Variants in LINGO1 observed in about 807,000 individuals in gnomAD.
LINGO1 encodes leucine-rich repeat and immunoglobulin-like domain-containing nogo receptor-interacting protein 1.
LINGO1 carries 11 observed loss-of-function variants against 37.3 expected under a neutral mutation model. That is an observed-to-expected ratio of 0.29 (90% CI 0.19 to 0.49). The LOEUF (loss-of-function observed/expected upper bound fraction) is 0.49, where lower values mean the gene tolerates loss of function less well. Among genes scored for constraint, LINGO1 ranks in the 20% least tolerant of loss-of-function variants. LINGO1 has a pLI of 0.99. For synonymous variants in LINGO1, 387 were observed against 403.0 expected, an observed-to-expected ratio of 0.96 and a Z score of 0.48; for missense variants, 585 against 878.2, an observed-to-expected ratio of 0.67 and a Z score of 4.22.
At chr15:77,801,411 C>T (rs751973822) in intron 1 of LINGO1, among the ~76,000 whole-genome samples, 2 of 152,134 alleles carry the variant, frequency 1.3e-5, no homozygotes, top group Non-Finnish European at 2.9e-5. Flanking sequence ...CAGCATGAGC[C>T]CATTTCTGTA....
chr15:77,799,601 C>A (rs965525653), intron 1 of LINGO1, among the ~76,000 whole-genome samples: 3 of 152,180 alleles, frequency 2.0e-5, no homozygotes, highest in Non-Finnish European at 4.4e-5. Context: ...TCAGCAGCTC[C>A]CGCTTTGTTC....
Position 77,772,964 on chromosome 15 carries a change from T to G in LINGO1, c.-257+13905A>C, listed in dbSNP as rs558607821. On this transcript the variant is annotated intron_variant, in intron 1 of 3. Coordinates refer to the LINGO1 transcript ENST00000561686. Reference sequence around the variant, plus strand: ...TCAGTCTCTCCCTCCCCTCCTACCATCCGTCAAGCTACTACCCACTCAGCC... The same window carrying G: ...TCAGTCTCTCCCTCCCCTCCTACCAGCCGTCAAGCTACTACCCACTCAGCC... Among the ~76,000 whole-genome samples, 95 of 152,240 alleles carry G rather than the reference T, an allele frequency of 6.2e-4. 1 individual carries two copies. Among genetic ancestry groups the G allele is most frequent in the African/African-American group, 2.2e-3 (91 of 41,532 alleles).
At chr15:77,631,655 G>A (rs1218980789) in intron 1 of LINGO1, among the ~76,000 whole-genome samples, 3 of 152,252 alleles carry the variant, frequency 2.0e-5, no homozygotes, top group Non-Finnish European at 4.4e-5. Flanking sequence ...GCCTTAGAAT[G>A]AAAAGTGGGG....
rs562895040 is a variant in LINGO1, at chr15:77,647,328, G to A, written c.-13+29761C>T. ...TGCCAGAGCACAGTCCAGGGGAGAG[G>A]TAGACCCAGCTCACAGGAAGATCTG... is the stretch of plus-strand genomic sequence containing the variant. On this transcript the variant is annotated intron_variant, in intron 3 of 3. Coordinates refer to the LINGO1 transcript ENST00000559893. Among the ~76,000 whole-genome samples the A allele has an allele frequency of 5.2e-4, 78 of 151,428 alleles. No homozygotes were observed. In the South Asian group the frequency reaches 0.014, roughly 28 times the overall value.
In LINGO1 at chr15:77,725,881, G is replaced by A. The variant is rs185682008; in HGVS notation, c.-195+9111C>T. On this transcript the variant is annotated intron_variant, in intron 2 of 3. Transcript: ENST00000561686. ...CTCCAGCATAGCACGCCCAGGGAGCGTACATAGAGCGGCCGCCCCACCACT... is the reference window on the plus strand; with the variant it reads ...CTCCAGCATAGCACGCCCAGGGAGCATACATAGAGCGGCCGCCCCACCACT... Among the ~76,000 whole-genome samples, 33 of 152,322 alleles carry A rather than the reference G, an allele frequency of 2.2e-4. No individual in the cohort carries two copies. In the East Asian group the frequency reaches 3.5e-3, roughly 16 times the overall value.
chr15:77,629,060 C>T (rs1301291601), intron 1 of LINGO1, among the ~76,000 whole-genome samples: 2 of 152,208 alleles, frequency 1.3e-5, no homozygotes, highest in African/African-American at 2.4e-5. Flanking sequence ...ACTATTGTTA[C>T]TCTCACTTTA....
chr15:77,704,266 C>T (rs899003979), intron 2 of LINGO1, among the ~76,000 whole-genome samples: 1 of 152,184 alleles, frequency 6.6e-6, no homozygotes, highest in Admixed American at 6.5e-5. Context: ...GCAGAGAGCT[C>T]AGAGGGAGTG....
At chr15:77,639,269 T>C (rs2074452636), upstream of LINGO1, among the ~76,000 whole-genome samples, 1 of 152,140 alleles carries the variant, frequency 6.6e-6, no homozygotes, top group Non-Finnish European at 1.5e-5. Context: ...ACATATTTGC[T>C]GTTTTAAGCT....
At chr15:77,726,173 C>T (rs897567767) in intron 2 of LINGO1, among the ~76,000 whole-genome samples, 1 of 152,188 alleles carries the variant, frequency 6.6e-6, no homozygotes, top group Non-Finnish European at 1.5e-5. Context: ...CAGTGTTGAC[C>T]CTTTGGGCTG....
upstream of LINGO1, among the ~76,000 whole-genome samples, chr15:77,633,237 G>A (rs985402476): frequency 6.6e-6 from 1 of 151,992 alleles, no homozygotes; most frequent in African/African-American, 2.4e-5. Flanking sequence ...GGAGTCCGGC[G>A]TGCGGTCCTC....
intron 1 of LINGO1, among the ~76,000 whole-genome samples, chr15:77,628,610 A>G (rs1247356507): frequency 6.6e-6 from 1 of 152,242 alleles, no homozygotes; most frequent in African/African-American, 2.4e-5. Flanking sequence ...CGGGGTGTGC[A>G]GGAGCACATG....
At chr15:77,776,797 A>C (rs2076660454) in intron 1 of LINGO1, among the ~76,000 whole-genome samples, 1 of 152,206 alleles carries the variant, frequency 6.6e-6, no homozygotes. Flanking sequence ...AAGAGCTGAC[A>C]CATTCTAAGC....
At chr15:77,633,615 G>A (rs150541513), upstream of LINGO1, among the ~76,000 whole-genome samples, 1,139 of 152,310 alleles carry the variant, frequency 7.5e-3, 23 homozygotes, top group African/African-American at 0.026. Flanking sequence ...GTCCAGCAGA[G>A]GGCGGCAGGC....
intron 2 of LINGO1, among the ~76,000 whole-genome samples, chr15:77,713,536 A>C (rs1244568604): frequency 2.0e-5 from 3 of 151,946 alleles, no homozygotes; most frequent in Admixed American, 6.6e-5. Flanking sequence ...GTGTGCTGGC[A>C]CAGGGAGTCT....
chr15:77,783,886 C>T (rs2141431443), intron 1 of LINGO1, among the ~76,000 whole-genome samples: 1 of 152,312 alleles, frequency 6.6e-6, no homozygotes, highest in Admixed American at 6.5e-5. Context: ...TACAGGAAGC[C>T]TTTCTCCGTT....
chr15:77,761,124 T>C (rs1398295562), intron 1 of LINGO1, among the ~76,000 whole-genome samples: 1 of 150,402 alleles, frequency 6.6e-6, no homozygotes, highest in African/African-American at 2.5e-5. Context: ...TTAGTAGAGA[T>C]GGGGTTTTGC....
intron 1 of LINGO1, among the ~76,000 whole-genome samples, chr15:77,621,575 G>C (rs920619913): frequency 6.6e-6 from 1 of 151,924 alleles, no homozygotes; most frequent in African/African-American, 2.4e-5. Flanking sequence ...GCCAGGCCAG[G>C]GGAGGGGCTG....
Position 77,713,249 on chromosome 15 carries a change from T to C in LINGO1, c.-195+21743A>G, listed in dbSNP as rs139699429. ...GTGTGTGTGTGTGTGTGTGTGTGTG[T>C]GTGTGTGTTGTAGAGACAGGGTTTC... On this transcript the variant is annotated intron_variant, in intron 2 of 3. Coordinates refer to the LINGO1 transcript ENST00000561686. 2.6e-3 allele frequency among the ~76,000 whole-genome samples: 350 copies of C among 136,876 alleles called. 1 individual carries two copies. The highest frequency in any genetic ancestry group is 8.8e-3 in the African/African-American group (340 of 38,514). 89.8% of individuals were successfully genotyped at this position (136,876 alleles called of 152,430 possible). A position where few individuals can be genotyped will look rare whatever the true frequency, so the allele number is the denominator to read the frequency against.
At chr15:77,738,747 T>TGAAGGAAGGAAGGAAG (rs1166793124) in intron 1 of LINGO1, among the ~76,000 whole-genome samples, 221 of 110,862 alleles carry the variant, frequency 2.0e-3, no homozygotes, top group Middle Eastern at 8.4e-3. Flanking sequence ...ACATATTTGC[T>TGAAGGAAGGAAGGAAG]GAAGGAAGGA....
Sources: allele counts gnomAD v4.1 joint callset (sites outside exome capture counted in the v4.1 genomes callset), GRCh38; gene constraint gnomAD v4.1.1; transcripts MANE v1.5; gene names NCBI Gene and HGNC (gene_info 2026-07-23, HGNC 2026-07-21).